Variants in KNL1 observed in about 807,000 individuals in gnomAD.
KNL1 encodes outer kinetochore KNL1 complex subunit KNL1.
KNL1 carries 66 observed loss-of-function variants against 201.3 expected under a neutral mutation model. That is an observed-to-expected ratio of 0.33 (90% CI 0.27 to 0.40). The LOEUF (loss-of-function observed/expected upper bound fraction) is 0.40, where lower values mean the gene tolerates loss of function less well. Ranked by LOEUF, KNL1 falls within the 10% of genes least tolerant of loss-of-function variation. The pLI, the probability that KNL1 is intolerant of heterozygous loss-of-function variation, is 1.00. For missense variants in KNL1, 2,815 were observed against 2,690.5 expected, an observed-to-expected ratio of 1.05 and a Z score of -1.02; for synonymous variants, 895 against 899.2, an observed-to-expected ratio of 1.00 and a Z score of 0.08.
intron 21 of KNL1, among the ~76,000 whole-genome samples, chr15:40,654,588 G>A (rs959058633): frequency 3.1e-5 from 4 of 131,044 alleles, no homozygotes; most frequent in African/African-American, 1.1e-4. Flanking sequence ...AAAAAAAAAA[G>A]GCCAGGCACG....
At chr15:40,632,796 G>A (rs992924927) in intron 13 of KNL1, among the ~76,000 whole-genome samples, 2 of 152,230 alleles carry the variant, frequency 1.3e-5, no homozygotes, top group East Asian at 3.9e-4. Flanking sequence ...TAGACTAGAG[G>A]ATTGCTTGAG....
Position 40,621,182 on chromosome 15 carries a change from T to C in KNL1, c.918T>C (p.Ser306=). The C allele has an allele frequency of 1.2e-6, 2 of 1,612,968 alleles. No individual in the cohort carries two copies. Among genetic ancestry groups the C allele is most frequent in the Non-Finnish European group, 1.7e-6 (2 of 1,179,308 alleles). The change falls in exon 10 of 26, where the codon TCT becomes TCC. Residue 306 remains serine, a synonymous_variant. Coordinates refer to ENST00000399668, the MANE Select transcript of KNL1 (RefSeq NM_144508.5). ...CCAGTGAGACCAACTCACGGGAATCTAAAGGTAATGATATTACAATTTATG... is the reference window on the plus strand; with the variant it reads ...CCAGTGAGACCAACTCACGGGAATCCAAAGGTAATGATATTACAATTTATG... ...PTSSETNSRE[S]KGNDITIYGN... is the part of the protein sequence containing the mutation.
At chr15:40,631,769 G>A (rs1482860410) in intron 13 of KNL1, among the ~76,000 whole-genome samples, 2 of 152,126 alleles carry the variant, frequency 1.3e-5, no homozygotes, top group East Asian at 3.8e-4. Context: ...AGCACTTTGA[G>A]AGACCAAGGC....
chr15:40,636,167 T>C (rs1666325689), intron 13 of KNL1, among the ~76,000 whole-genome samples: 1 of 152,218 alleles, frequency 6.6e-6, no homozygotes. Context: ...GTGCTCCTGC[T>C]AGGCTTGAAG....
chr15:40,606,404 C>G lies in KNL1; in HGVS notation c.87C>G (p.Pro29=), dbSNP rs761579900. The change falls in exon 4 of 26, where the codon CCC becomes CCG. Residue 29 remains proline, a synonymous_variant. Coordinates refer to ENST00000399668, the MANE Select transcript of KNL1 (RefSeq NM_144508.5). ...AATTGTTACCCTAGATATTGAAACC[C>G]CCAAGGAGTCCTCTTCAGGACCTCA... ...VRRRHSSILK[P]PRSPLQDLRG... is the part of the protein sequence containing the mutation. 1.9e-6 allele frequency: 3 copies of G among 1,575,716 alleles called. No homozygotes were observed. The African/African-American group carries it at 4.0e-5, about 21-fold the overall frequency.
chr15:40,651,561 G>A lies in KNL1; in HGVS notation c.6303G>A (p.Leu2101=). 2 of 1,604,896 alleles carry A rather than the reference G, an allele frequency of 1.2e-6. No homozygotes were observed. Among genetic ancestry groups the A allele is most frequent in the Non-Finnish European group, 1.7e-6 (2 of 1,175,722 alleles). The change falls in exon 20 of 26, where the codon CTG becomes CTA. Residue 2101 remains leucine (L), a synonymous_variant. Coordinates refer to ENST00000399668, the MANE Select transcript of KNL1 (RefSeq NM_144508.5). ...QKQRNRTEEL[L]DQLSLSEWDV... is the part of the protein sequence containing the mutation. ...AAAGAAATAGAACTGAAGAGCTACT[G>A]GATCAGTTGAGGTAAGGAAATGCAG...
At chr15:40,641,065 G>A (rs748314570) in intron 14 of KNL1, 38 bp downstream of exon 14, 23 of 1,343,544 alleles carry the variant, frequency 1.7e-5, no homozygotes, top group Non-Finnish European at 2.3e-5. Flanking sequence ...TTTTTTTGAG[G>A]GGAGGGATCA....
rs187984122 is a variant in KNL1 at position 40,613,425 on chromosome 15, A to G, written c.284+1914A>G. The stretch of plus-strand genomic sequence containing the variant: ...CTTTGTGGTTTATTAATTTAAAACC[A>G]TATGAAAGTATTACCTATTACATTC... On this transcript the variant is annotated intron_variant, in intron 7 of 25. Transcript: ENST00000399668. Among the ~76,000 whole-genome samples the G allele has an allele frequency of 1.8e-4, 28 of 152,346 alleles. No homozygotes were observed. In the East Asian group the frequency reaches 5.0e-3, roughly 27 times the overall value.
At chr15:40,614,304 G>A (rs1275532169) in intron 7 of KNL1, among the ~76,000 whole-genome samples, 1 of 151,672 alleles carries the variant, frequency 6.6e-6, no homozygotes, top group Non-Finnish European at 1.5e-5. Flanking sequence ...CACCACGTTG[G>A]CCAGGCTGGT....
At chr15:40,635,167 G>C (rs1470169434) in intron 13 of KNL1, among the ~76,000 whole-genome samples, 9 of 151,530 alleles carry the variant, frequency 5.9e-5, no homozygotes, top group Non-Finnish European at 1.0e-4. Context: ...TCCTGCCTCA[G>C]CCTCCCGAGT....
At chr15:40,597,179 C>G (rs940279055) in intron 1 of KNL1, among the ~76,000 whole-genome samples, 1 of 152,082 alleles carries the variant, frequency 6.6e-6, no homozygotes, top group African/African-American at 2.4e-5. Flanking sequence ...TTTTAAATAT[C>G]CCAGGACACC....
At chr15:40,627,984 G>A (rs1006071786) in intron 10 of KNL1, 86 bp from the exon 11 acceptor site, 26 of 857,394 alleles carry the variant, frequency 3.0e-5, no homozygotes, top group Non-Finnish European at 3.8e-5. Context: ...TTAATTGTAT[G>A]TTAGAAGTAG....
In KNL1 at chr15:40,610,214, G is replaced by C. The variant is rs750540311; in HGVS notation, c.198-31G>C. On this transcript the variant is annotated intron_variant, in intron 5 of 25. Coordinates refer to ENST00000399668, the MANE Select transcript of KNL1 (RefSeq NM_144508.5). ...CAAAAGATAATGATTACAAATTGCA[G>C]GTTTTCAATAATCTTTATTTTCTCT... 5 of 1,213,936 alleles carry C rather than the reference G, an allele frequency of 4.1e-6. No individual in the cohort carries two copies. In the African/African-American group the frequency reaches 7.6e-5, roughly 18 times the overall value. 75.2% of individuals were successfully genotyped at this position (1,213,936 alleles called of 1,614,324 possible).
intron 1 of KNL1, among the ~76,000 whole-genome samples, chr15:40,602,517 G>T (rs9920676): frequency 7.1e-5 from 7 of 98,106 alleles, no homozygotes; most frequent in East Asian, 4.8e-4. Context: ...ACAGAGTTTT[G>T]CTCTTGTCGC....
chr15:40,658,269 C>T (rs1595951135), intron 24 of KNL1, among the ~76,000 whole-genome samples: 1 of 151,588 alleles, frequency 6.6e-6, no homozygotes, highest in East Asian at 2.0e-4. Context: ...TATCCTCACA[C>T]CTGTAATCCC....
At position 40,625,449 on chromosome 15, in the gene KNL1, A is replaced by AT; in HGVS notation, c.5187dup (p.Asn1730Ter). On this transcript the variant is annotated frameshift_variant, in exon 10 of 26. Coordinates refer to ENST00000399668, the MANE Select transcript of KNL1 (RefSeq NM_144508.5). LOFTEE classifies it high-confidence loss of function. ...TGATGAGATCAATTCTTCAGACTCTATTAACATAGAAACTGAGGAAAAGGC... is the reference window on the plus strand; with the variant it reads ...TGATGAGATCAATTCTTCAGACTCTATTTAACATAGAAACTGAGGAAAAGGC... 1.2e-6 allele frequency: 2 copies of AT among 1,613,982 alleles called. No homozygotes were observed. The highest frequency in any genetic ancestry group is 1.7e-6 in the Non-Finnish European group (2 of 1,179,912).
intron 1 of KNL1, among the ~76,000 whole-genome samples, chr15:40,596,338 G>A (rs923438856): frequency 3.3e-5 from 5 of 152,150 alleles, no homozygotes; most frequent in Non-Finnish European, 7.4e-5. Context: ...GTGCAGTGGT[G>A]CTATCTTGGC....
chr15:40,617,896 G>A (rs1892392999), intron 8 of KNL1, among the ~76,000 whole-genome samples: 1 of 125,426 alleles, frequency 8.0e-6, no homozygotes, highest in Non-Finnish European at 1.6e-5. Context: ...TGTTTGTTTT[G>A]TTTTTTCATG....
intron 16 of KNL1, 121 bp downstream of exon 16, chr15:40,645,893 CAATT>C (rs1893370142): frequency 4.0e-6 from 2 of 504,056 alleles, no homozygotes. Flanking sequence ...AAAAACTTAA[CAATT>C]AAGAGGTAAG....
Sources: allele counts gnomAD v4.1 joint callset (sites outside exome capture counted in the v4.1 genomes callset), GRCh38; gene constraint gnomAD v4.1.1; transcripts MANE v1.5; gene names NCBI Gene and HGNC (gene_info 2026-07-23, HGNC 2026-07-21).